Variants in CYP4F11 observed in about 807,000 individuals in gnomAD.
CYP4F11 encodes the protein cytochrome P450 family 4 subfamily F member 11, also known as cytochrome P450 4F11.
In CYP4F11, 79 loss-of-function variants were observed where a neutral mutation model predicts 62.2. That is an observed-to-expected ratio of 1.27 (90% CI 1.06 to 1.53). The LOEUF is 1.53. Among genes scored for constraint, CYP4F11 ranks in the 40% most tolerant of loss-of-function variants. CYP4F11 has a pLI of 0.00. For synonymous variants in CYP4F11, 290 were observed against 263.7 expected (o/e 1.10, Z -0.97); for missense variants, 777 against 680.5 (o/e 1.14, Z -1.58).
Position 15,924,817 on chromosome 19 carries a change from G to A in CYP4F11, c.591C>T (p.Leu197=), listed in dbSNP as rs149071621. The A allele has an allele frequency of 1.2e-4, 189 of 1,613,236 alleles. No individual in the cohort carries two copies. Among genetic ancestry groups the A allele is most frequent in the South Asian group, 4.4e-4 (40 of 91,068 alleles). Residue 197 remains leucine (L), a synonymous_variant, in exon 5 of 12, where the codon CTC becomes CTT. Transcript: ENST00000402119. ...ARLDMFEHIS[L]MTLDSLQKCV... Reference sequence around the variant, plus strand: ...ATTTCTGCAGACTGTCCAAGGTCATGAGGCTGATGTGTTCAAACATGTCCA... The same window carrying A: ...ATTTCTGCAGACTGTCCAAGGTCATAAGGCTGATGTGTTCAAACATGTCCA...
At chr19:15,929,693 T>C in intron 1 of CYP4F11, 92 bp from the exon 2 acceptor site, 1 of 1,406,680 alleles carries the variant, frequency 7.1e-7, no homozygotes, top group Non-Finnish European at 9.6e-7. Context: ...AGCCAAGAGA[T>C]GCCCAGATAA....
chr19:15,922,462 C>T (rs2145046085), intron 6 of CYP4F11, 32 bp from the exon 7 acceptor site: 2 of 1,603,948 alleles, frequency 1.2e-6, no homozygotes, highest in East Asian at 2.2e-5. Flanking sequence ...ATCCCTGCCC[C>T]AAATCACACC....
chr19:15,918,984 C>A (rs1363708809), intron 8 of CYP4F11, among the ~76,000 whole-genome samples: 2 of 148,174 alleles, frequency 1.3e-5, no homozygotes, highest in African/African-American at 2.5e-5. Flanking sequence ...CAAAAATAAG[C>A]CACAAAATGC....
At chr19:15,927,168 C>A in intron 4 of CYP4F11, 44 bp downstream of exon 4, 1 of 1,601,526 alleles carries the variant, frequency 6.2e-7, no homozygotes, top group Non-Finnish European at 8.5e-7. Context: ...TGTGGTCCCT[C>A]TACCCCAAGG....
Position 15,934,323 on chromosome 19 carries a change from C to G in CYP4F11, c.86G>C (p.Trp29Ser), listed in dbSNP as rs140240566. Residue 29 changes from tryptophan to serine, a missense_variant, in exon 1 of 12, where the codon TGG (tryptophan) becomes TCG (serine). By Grantham distance (177) the Trp-to-Ser change is radical. Transcript: ENST00000402119. ...CCAGGCCAGGACGCGGGCCAGGAGCCAGGAGCCTCCAACCAGCAGCAGAAG... is the reference window on the plus strand; with the variant it reads ...CCAGGCCAGGACGCGGGCCAGGAGCGAGGAGCCTCCAACCAGCAGCAGAAG... Reference protein sequence around the residue: ...WLLLLLVGGSWLLARVLAWTY... With the variant: ...WLLLLLVGGSSLLARVLAWTY... 29 of 1,613,226 alleles carry G rather than the reference C, an allele frequency of 1.8e-5. No homozygotes were observed. The highest frequency in any genetic ancestry group is 1.3e-5 in the African/African-American group (1 of 74,792).
chr19:15,934,541 A>G, upstream of CYP4F11: 4 of 1,073,976 alleles, frequency 3.7e-6, no homozygotes, highest in Non-Finnish European at 3.9e-6. Context: ...AGATGGGTAA[A>G]CAAGAGCTGA....
chr19:15,914,447 A>T, intron 10 of CYP4F11, 60 bp from the exon 11 acceptor site: 12 of 1,577,932 alleles, frequency 7.6e-6, no homozygotes, highest in Non-Finnish European at 1.0e-5. Context: ...GGGGTCTCCC[A>T]GTTGTCTCCA....
rs761489252 is a variant in CYP4F11, at chr19:15,913,788, G to T, written c.1519C>A (p.Arg507Ser). The stretch of plus-strand genomic sequence containing the variant: ...CGCAGCCAAAGTCCACCCTCTGCGC[G>T]CAATATCAGCTCGGGTTTCCTGCGG... ...EPRRKPELIL[R>S]AEGGLWLRVE... Residue 507 changes from arginine (R) to serine (S), a missense_variant, in exon 12 of 12, where the codon CGC becomes AGC. Physicochemically the swap from Arg to Ser is moderately radical, Grantham distance 110. Coordinates refer to ENST00000402119, the MANE Select transcript of CYP4F11 (RefSeq NM_021187.4). 2 of 1,614,172 alleles carry T rather than the reference G, an allele frequency of 1.2e-6. No homozygotes were observed. Among genetic ancestry groups the T allele is most frequent in the South Asian group, 1.1e-5 (1 of 91,066 alleles).
At chr19:15,930,730 T>A (rs1420460746) in intron 1 of CYP4F11, among the ~76,000 whole-genome samples, 1 of 152,148 alleles carries the variant, frequency 6.6e-6, no homozygotes, top group Non-Finnish European at 1.5e-5. Flanking sequence ...AAAGTCCGCA[T>A]GGAAGGAGGT....
chr19:15,926,550 A>T (rs1007329666), intron 4 of CYP4F11, among the ~76,000 whole-genome samples: 1 of 152,208 alleles, frequency 6.6e-6, no homozygotes, highest in Non-Finnish European at 1.5e-5. Context: ...GTCTGTGCTA[A>T]CCTAAGCCTG....
At chr19:15,920,872 T>G (rs2089620708) in intron 8 of CYP4F11, among the ~76,000 whole-genome samples, 1 of 152,158 alleles carries the variant, frequency 6.6e-6, no homozygotes, top group Non-Finnish European at 1.5e-5. Flanking sequence ...TCCCTCTCTA[T>G]TCATCTCTCT....
Position 15,914,598 on chromosome 19 carries a change from C to A in CYP4F11, c.1314+4G>T, listed in dbSNP as rs1353393614. The A allele has an allele frequency of 6.2e-7, 1 of 1,614,178 alleles. No individual in the cohort carries two copies. Among genetic ancestry groups the A allele is most frequent in the Non-Finnish European group, 8.5e-7 (1 of 1,180,012 alleles). On this transcript the variant is annotated splice_donor_region_variant and intron_variant, in intron 10 of 11. Transcript: ENST00000402119. ...CAAAAAGGGTGGGGTGAGGGAGGCA[C>A]TACCTCAGGGTCTGGCCACACAGTT...
intron 1 of CYP4F11, among the ~76,000 whole-genome samples, chr19:15,933,223 A>AGGAGAGGAATGAGTGAGCGG (rs2089743756): frequency 5.6e-5 from 1 of 17,872 alleles, no homozygotes; most frequent in African/African-American, 2.5e-4. Flanking sequence ...TGAGTGAGTG[A>AGGAGAGGAATGAGTGAGCGG]GGAGAGGAAT....
At position 15,912,671 on chromosome 19, in the gene CYP4F11, A is replaced by AAAAAGAAAAG. The variant is rs201311882; in HGVS notation, c.*1060_*1061insCTTTTCTTTT. 2 of 45,632 alleles carry AAAAAGAAAAG rather than the reference A, an allele frequency of 4.4e-5. No individual in the cohort carries two copies. Among genetic ancestry groups the AAAAAGAAAAG allele is most frequent in the South Asian group, 9.5e-4 (1 of 1,056 alleles). 2.8% of individuals were successfully genotyped at this position (45,632 alleles called of 1,614,324 possible). A position where few individuals can be genotyped will look rare whatever the true frequency, so the allele number is the denominator to read the frequency against. Reference sequence around the variant, plus strand: ...CAGGTACCTTCACCATCCTCAGGAAAAAAAAAAAAATATATATATATATAT... The same window carrying AAAAAGAAAAG: ...CAGGTACCTTCACCATCCTCAGGAAAAAAAGAAAAGAAAAAAAAAATATATATATATATAT... On this transcript the variant is annotated 3_prime_UTR_variant, in exon 12 of 12. Transcript: ENST00000402119.
chr19:15,927,573 C>G, intron 2 of CYP4F11, 90 bp from the exon 3 acceptor site: 1 of 1,548,068 alleles, frequency 6.5e-7, no homozygotes, highest in Non-Finnish European at 8.9e-7. Flanking sequence ...GGGGTGTGCA[C>G]TTCCACGCAT....
intron 5 of CYP4F11, 33 bp from the exon 6 acceptor site, chr19:15,924,115 A>G (rs1486371611): frequency 1.2e-6 from 2 of 1,601,234 alleles, no homozygotes; most frequent in Middle Eastern, 1.7e-4. Flanking sequence ...TAACATATGC[A>G]AAGTCCCAGG....
In CYP4F11 at chr19:15,914,657, C is replaced by A. The variant is rs1240280843; in HGVS notation, c.1259G>T (p.Cys420Phe). ...ATGGATCCCGATAATATTGATGAGG[C>A]AGACAATGCCTGTGGGAGAGAAGAG... ...DGRVIPKGIV[C>F]LINIIGIHYN... Residue 420 changes from cysteine (C) to phenylalanine (F), a missense_variant, in exon 10 of 12, where the codon TGC becomes TTC. By Grantham distance (205) the Cys-to-Phe change is radical (BLOSUM62 -2). Transcript: ENST00000402119. 2 of 1,614,192 alleles carry A rather than the reference C, an allele frequency of 1.2e-6. No homozygotes were observed. Among genetic ancestry groups the A allele is most frequent in the East Asian group, 2.2e-5 (1 of 44,882 alleles).
chr19:15,913,379 C>G lies in CYP4F11; in HGVS notation c.*353G>C, dbSNP rs981640606. 3.1e-6 allele frequency: 1 copy of G among 322,120 alleles called. No homozygotes were observed. Among genetic ancestry groups the G allele is most frequent in the Admixed American group, 4.5e-5 (1 of 21,988 alleles). The allele number at this position is 322,120 out of a possible 1,614,324, so 20.0% of individuals were successfully genotyped here. A position where few individuals can be genotyped will look rare whatever the true frequency, so the allele number is the denominator to read the frequency against. On this transcript the variant is annotated 3_prime_UTR_variant, in exon 12 of 12. Transcript: ENST00000402119. ...CCAGGACAGATGAAGGGATCTGCCC[C>G]TATGGTTGTTTCTCGCTGAATCAGA...
At chr19:15,917,019 A>T (rs73522993) in intron 8 of CYP4F11, among the ~76,000 whole-genome samples, 2,559 of 152,280 alleles carry the variant, frequency 0.017, 66 homozygotes, top group African/African-American at 0.057. Context: ...TATGGAACCA[A>T]TCTAAGTGCC....
Sources: allele counts gnomAD v4.1 joint callset (sites outside exome capture counted in the v4.1 genomes callset), GRCh38; gene constraint gnomAD v4.1.1; transcripts MANE v1.5; gene names NCBI Gene and HGNC (gene_info 2026-07-23, HGNC 2026-07-21).